The following LRBA variants were observed in gnomAD, a reference collection of about 807,000 sequenced individuals.
The protein encoded by LRBA is lipopolysaccharide-responsive and beige-like anchor protein.
A neutral mutation model predicts 330.0 loss-of-function variants in LRBA; 176 were observed. The ratio of observed to expected loss-of-function variants is 0.53; its 90% CI spans 0.47 to 0.60. The LOEUF is 0.60. Among genes scored for constraint, LRBA ranks in the 20% least tolerant of loss-of-function variants. LRBA has a pLI of 0.00. For missense variants in LRBA, 3,259 were observed against 3,444.8 expected, an observed-to-expected ratio of 0.95 and a Z score of 1.35; for synonymous variants, 1,230 against 1,193.0, an observed-to-expected ratio of 1.03 and a Z score of -0.64.
At chr4:150,803,764 A>G (rs1026055264) in intron 33 of LRBA, among the ~76,000 whole-genome samples, 2 of 152,296 alleles carry the variant, frequency 1.3e-5, no homozygotes, top group African/African-American at 4.8e-5. Context: ...TATGAACATC[A>G]TCAATGAATA....
intron 37 of LRBA, among the ~76,000 whole-genome samples, chr4:150,614,868 A>ATACAAAG (rs2126595746): frequency 6.6e-6 from 1 of 152,364 alleles, no homozygotes; most frequent in South Asian, 2.1e-4. Context: ...ACTTTAAACT[A>ATACAAAG]TACAAAGAGG....
At chr4:150,599,523 T>C (rs981816122) in intron 37 of LRBA, among the ~76,000 whole-genome samples, 11 of 152,214 alleles carry the variant, frequency 7.2e-5, no homozygotes, top group African/African-American at 2.7e-4. Flanking sequence ...GAAAAGGCTA[T>C]TATAAATATG....
intron 47 of LRBA, among the ~76,000 whole-genome samples, chr4:150,396,615 G>A (rs1015969053): frequency 3.3e-5 from 5 of 152,060 alleles, no homozygotes; most frequent in Non-Finnish European, 7.4e-5. Flanking sequence ...AAGCTATTGA[G>A]GGAAAATTCT....
chr4:150,478,540 C>A (rs1260805628), intron 42 of LRBA, among the ~76,000 whole-genome samples: 1 of 152,154 alleles, frequency 6.6e-6, no homozygotes, highest in Non-Finnish European at 1.5e-5. Flanking sequence ...AAGAATGTCT[C>A]TCTTCAGCTA....
intron 33 of LRBA, among the ~76,000 whole-genome samples, chr4:150,802,432 C>T (rs1405247916): frequency 6.6e-6 from 1 of 150,410 alleles, no homozygotes; most frequent in African/African-American, 2.4e-5. Context: ...TTTCAAGATA[C>T]AGAAAAAATA....
intron 37 of LRBA, among the ~76,000 whole-genome samples, chr4:150,654,378 G>A (rs1258209598): frequency 6.6e-6 from 1 of 152,012 alleles, no homozygotes; most frequent in Non-Finnish European, 1.5e-5. Context: ...TAGTAGAGAT[G>A]GGGCTTCACC....
chr4:150,445,377 C>CTCTCTA (rs1454079183), intron 44 of LRBA, among the ~76,000 whole-genome samples: 49 of 78,620 alleles, frequency 6.2e-4, no homozygotes, highest in African/African-American at 7.6e-4. Context: ...CTCTCTCTCT[C>CTCTCTA]TATATATATA....
chr4:150,514,061 TTTG>T (rs1258584414), intron 40 of LRBA, among the ~76,000 whole-genome samples: 5 of 152,106 alleles, frequency 3.3e-5, no homozygotes, highest in Non-Finnish European at 7.4e-5. Flanking sequence ...TCATAGTTTT[TTTG>T]TTGTTGTTTT....
intron 37 of LRBA, among the ~76,000 whole-genome samples, chr4:150,650,355 G>C (rs1475124012): frequency 1.3e-5 from 2 of 152,142 alleles, no homozygotes; most frequent in East Asian, 3.8e-4. Flanking sequence ...TCTATAAAAT[G>C]TAATATGTTA....
intron 33 of LRBA, among the ~76,000 whole-genome samples, chr4:150,804,252 C>T (rs923180316): frequency 1.3e-5 from 2 of 152,142 alleles, no homozygotes; most frequent in African/African-American, 4.8e-5. Flanking sequence ...CTATTCCAAA[C>T]TTAAGTACTT....
At chr4:150,443,165 A>G (rs1752053551) in intron 44 of LRBA, among the ~76,000 whole-genome samples, 1 of 152,058 alleles carries the variant, frequency 6.6e-6, no homozygotes, top group Non-Finnish European at 1.5e-5. Context: ...ATTAAAAGCC[A>G]CCTCCTGACT....
chr4:150,954,734 T>C (rs143328673), intron 2 of LRBA, among the ~76,000 whole-genome samples: 2,981 of 139,042 alleles, frequency 0.021, 185 homozygotes, highest in African/African-American at 0.082. Context: ...CAAATCCTCC[T>C]CTCTGAGAAA....
intron 40 of LRBA, among the ~76,000 whole-genome samples, chr4:150,506,832 T>C (rs948572592): frequency 6.6e-6 from 1 of 152,172 alleles, no homozygotes; most frequent in Admixed American, 6.5e-5. Context: ...GAAAACCCCA[T>C]TGTCTCAGGC....
intron 47 of LRBA, among the ~76,000 whole-genome samples, chr4:150,407,720 G>GA (rs1746400296): frequency 6.6e-6 from 1 of 151,962 alleles, no homozygotes; most frequent in Non-Finnish European, 1.5e-5. Context: ...AAATACAGGA[G>GA]AAAATTTGGA....
At chr4:150,826,104 T>C (rs899363264) in intron 30 of LRBA, among the ~76,000 whole-genome samples, 1 of 152,174 alleles carries the variant, frequency 6.6e-6, no homozygotes, top group Non-Finnish European at 1.5e-5. Context: ...GACTCTAACA[T>C]GATTTGAGAA....
At chr4:150,450,516 T>A (rs1222102397) in intron 44 of LRBA, among the ~76,000 whole-genome samples, 1 of 152,182 alleles carries the variant, frequency 6.6e-6, no homozygotes, top group Non-Finnish European at 1.5e-5. Context: ...TCCCTGTATG[T>A]CTGTCTTTAT....
intron 34 of LRBA, 22 bp from the exon 35 acceptor site, chr4:150,761,869 T>C (rs1480621455): frequency 1.5e-6 from 2 of 1,301,390 alleles, no homozygotes; most frequent in Non-Finnish European, 2.1e-6. Context: ...AAAGCAAAAA[T>C]AGCTGAAGAA....
rs1782955573 is a variant in LRBA, at chr4:150,680,442, GT to G, written c.5921+3108del. Among the ~76,000 whole-genome samples, 14 of 152,306 alleles carry G rather than the reference GT, an allele frequency of 9.2e-5. No individual in the cohort carries two copies. In the South Asian group the frequency reaches 2.9e-3, roughly 32 times the overall value. ...ATTGCATTCAGGCAGGTCACTAGGTGTCAAAAGATATTAGATGCCTGCTGTG... is the reference window on the plus strand; with the variant it reads ...ATTGCATTCAGGCAGGTCACTAGGTGCAAAAGATATTAGATGCCTGCTGTG... On this transcript the variant is annotated intron_variant, in intron 37 of 56. Coordinates refer to ENST00000651943, the MANE Select transcript of LRBA (RefSeq NM_001364905.1).
chr4:150,660,573 A>G (rs1317135385), intron 37 of LRBA, among the ~76,000 whole-genome samples: 1 of 148,588 alleles, frequency 6.7e-6, no homozygotes, highest in Non-Finnish European at 1.5e-5. Context: ...AGGTGTGCCC[A>G]ACAGCTCATT....
Sources: allele counts gnomAD v4.1 joint callset (sites outside exome capture counted in the v4.1 genomes callset), GRCh38; gene constraint gnomAD v4.1.1; transcripts MANE v1.5; gene names NCBI Gene and HGNC (gene_info 2026-07-23, HGNC 2026-07-21).